DIPK2B: variants seen among roughly 807,000 people sequenced by gnomAD.
The protein encoded by DIPK2B is UPF0672 protein CXorf36.
DIPK2B carries 15 observed loss-of-function variants against 22.2 expected under a neutral mutation model. That is an observed-to-expected ratio of 0.68 (90% CI 0.45 to 1.04). The LOEUF (loss-of-function observed/expected upper bound fraction) is 1.04, where lower values mean the gene tolerates loss of function less well. Ranked by LOEUF, DIPK2B falls within the 50% of genes least tolerant of loss-of-function variation. DIPK2B has a pLI of 0.00. For missense variants in DIPK2B, 345 were observed against 348.3 expected (o/e 0.99, Z 0.08); for synonymous variants, 163 against 153.2 (o/e 1.06, Z -0.47).
intron 2 of DIPK2B, among the ~76,000 whole-genome samples, chrX:45,180,936 T>C (rs1304674916): frequency 3.6e-5 from 4 of 112,107 alleles, no homozygotes; most frequent in South Asian, 3.7e-4. Flanking sequence ...AAATGTCTTA[T>C]TGTATTATAC....
At chrX:45,176,969 T>C (rs2047122364) in intron 2 of DIPK2B, among the ~76,000 whole-genome samples, 1 of 111,783 alleles carries the variant, frequency 8.9e-6, no homozygotes, top group African/African-American at 3.3e-5. Context: ...GAGTATGAAC[T>C]GTGGGACTGA....
At chrX:45,186,188 C>T (rs1397877303) in intron 2 of DIPK2B, among the ~76,000 whole-genome samples, 3 of 111,949 alleles carry the variant, frequency 2.7e-5, no homozygotes, top group African/African-American at 9.8e-5. Flanking sequence ...TTAGTTGTTT[C>T]AACTCTGAAC....
intron 1 of DIPK2B, among the ~76,000 whole-genome samples, chrX:45,198,192 G>C (rs1454365719): frequency 9.0e-6 from 1 of 111,394 alleles, no homozygotes; most frequent in African/African-American, 3.3e-5. Context: ...GGGTGGCAAG[G>C]AAATGCAACA....
intron 1 of DIPK2B, among the ~76,000 whole-genome samples, chrX:45,194,255 A>ATTT (rs34556031): frequency 1.1e-5 from 1 of 91,210 alleles, no homozygotes; most frequent in Admixed American, 1.1e-4. Context: ...GAACCCATTA[A>ATTT]TTTTTTTTTT....
intron 2 of DIPK2B, among the ~76,000 whole-genome samples, chrX:45,158,501 G>A (rs144712178): frequency 0.013 from 1,422 of 110,899 alleles, 29 homozygotes; most frequent in African/African-American, 0.042. Context: ...ACACTTGAGC[G>A]TTTTTATATG....
At chrX:45,185,133 A>G (rs1270434726) in intron 2 of DIPK2B, among the ~76,000 whole-genome samples, 1 of 112,123 alleles carries the variant, frequency 8.9e-6, no homozygotes, top group Non-Finnish European at 1.9e-5. Context: ...CACAATCACT[A>G]TATTAACTGA....
chrX:45,152,014 T>C, intron 4 of DIPK2B, 22 bp from the exon 5 acceptor site: 1 of 1,128,030 alleles, frequency 8.9e-7, no homozygotes, highest in Non-Finnish European at 1.2e-6. Context: ...ATGGGAAGTA[T>C]TACACACCCT....
At chrX:45,164,899 T>C (rs773710702) in intron 2 of DIPK2B, among the ~76,000 whole-genome samples, 1 of 111,680 alleles carries the variant, frequency 9.0e-6, no homozygotes, top group South Asian at 3.8e-4. Context: ...GTCATTCCAA[T>C]GCTCCTTATT....
chrX:45,163,746 G>T, intron 2 of DIPK2B: 1 of 759,136 alleles, frequency 1.3e-6, no homozygotes, highest in African/African-American at 2.3e-5. Flanking sequence ...ACTAGGGCAA[G>T]AACAGGTTTT....
rs551898198 is a variant in DIPK2B, at chrX:45,149,491, G to T, written c.*2161C>A. 8.8e-6 allele frequency: 1 copy of T among 113,284 alleles called. No homozygotes were observed. Among genetic ancestry groups the T allele is most frequent in the African/African-American group, 3.2e-5 (1 of 31,147 alleles). 9.3% of individuals were successfully genotyped at this position (113,284 alleles called of 1,213,427 possible). A position where few individuals can be genotyped will look rare whatever the true frequency, so the allele number is the denominator to read the frequency against. ...TCTTCACTGTCATGGTTGCCCTGGGGCAATGCCCGTAGCAGTCAAGAGACA... is the reference window on the plus strand; with the variant it reads ...TCTTCACTGTCATGGTTGCCCTGGGTCAATGCCCGTAGCAGTCAAGAGACA... On this transcript the variant is annotated 3_prime_UTR_variant, in exon 5 of 5. Coordinates refer to ENST00000398000, the MANE Select transcript of DIPK2B (RefSeq NM_176819.4).
In DIPK2B at chrX:45,157,107, G is replaced by A. The variant is rs934176240; in HGVS notation, c.672+608C>T. Among the ~76,000 whole-genome samples the A allele has an allele frequency of 5.4e-5, 6 of 110,731 alleles. No homozygotes were observed. In the South Asian group the frequency reaches 2.3e-3, roughly 43 times the overall value. Reference sequence around the variant, plus strand: ...CCCTGTGTCCTTACCCTTGAGGTCAGGGGTCAGTCGGAGTGATTGGGCTCC... The same window carrying A: ...CCCTGTGTCCTTACCCTTGAGGTCAAGGGTCAGTCGGAGTGATTGGGCTCC... On this transcript the variant is annotated intron_variant, in intron 3 of 4. Coordinates refer to ENST00000398000, the MANE Select transcript of DIPK2B (RefSeq NM_176819.4).
intron 2 of DIPK2B, among the ~76,000 whole-genome samples, chrX:45,189,959 A>C (rs1252443875): frequency 1.8e-5 from 2 of 112,329 alleles, no homozygotes; most frequent in Non-Finnish European, 3.8e-5. Context: ...TCTTACCAGC[A>C]TGTTGTTAAT....
chrX:45,179,350 T>C (rs1380473339), intron 2 of DIPK2B, among the ~76,000 whole-genome samples: 3 of 111,000 alleles, frequency 2.7e-5, no homozygotes, highest in Non-Finnish European at 3.8e-5. Context: ...ACAGTTAAAA[T>C]TTGGCATACA....
intron 2 of DIPK2B, among the ~76,000 whole-genome samples, chrX:45,185,619 G>T (rs1160111099): frequency 2.8e-5 from 3 of 107,153 alleles, no homozygotes; most frequent in Admixed American, 2.0e-4. Flanking sequence ...GACTGGGGAA[G>T]CCTTTCACTG....
chrX:45,172,573 C>T (rs1329005464), intron 2 of DIPK2B, among the ~76,000 whole-genome samples: 1 of 111,352 alleles, frequency 9.0e-6, no homozygotes, highest in African/African-American at 3.3e-5. Flanking sequence ...CCACTTTGTC[C>T]ACCATCTTCC....
At chrX:45,161,270 G>A (rs768796925) in intron 2 of DIPK2B, among the ~76,000 whole-genome samples, 27 of 112,264 alleles carry the variant, frequency 2.4e-4, no homozygotes, top group Admixed American at 1.1e-3. Flanking sequence ...GGCCAGGCAC[G>A]GTTGCCCATG....
In DIPK2B at chrX:45,151,687, G is replaced by A. The variant is rs776241892; in HGVS notation, c.1267C>T (p.Arg423Cys). The A allele has an allele frequency of 9.1e-6, 11 of 1,210,531 alleles. No individual in the cohort carries two copies. Among genetic ancestry groups the A allele is most frequent in the African/African-American group, 3.5e-5 (2 of 57,388 alleles). ...LRTCDSRFAY[R>C]YPDCKYNDKF is the part of the protein sequence containing the mutation. ...TCGTTATATTTGCAATCTGGGTAAC[G>A]ATAGGCAAATCTGGAGTCACACGTT... The change falls in exon 5 of 5, where the codon CGT (arginine) becomes TGT (cysteine). Residue 423 changes from arginine (R) to cysteine (C), a missense_variant. Coordinates refer to ENST00000398000, the MANE Select transcript of DIPK2B (RefSeq NM_176819.4).
At position 45,177,418 on chromosome X, in the gene DIPK2B, C is replaced by A. The variant is rs973026667; in HGVS notation, c.498+14333G>T. Among the ~76,000 whole-genome samples, 3 of 110,347 alleles carry A rather than the reference C, an allele frequency of 2.7e-5. No individual in the cohort carries two copies. The East Asian group carries it at 8.6e-4, about 32-fold the overall frequency. ...TCCTTCATGAATAGATTAATGCTCTCCCTCAGCAGTGAGTGAATTCTCACT... is the reference window on the plus strand; with the variant it reads ...TCCTTCATGAATAGATTAATGCTCTACCTCAGCAGTGAGTGAATTCTCACT... On this transcript the variant is annotated intron_variant, in intron 2 of 4. Transcript: ENST00000398000.
intron 2 of DIPK2B, among the ~76,000 whole-genome samples, chrX:45,186,093 A>G (rs1250203979): frequency 1.8e-5 from 2 of 112,331 alleles, no homozygotes; most frequent in Admixed American, 1.9e-4. Context: ...TCTCTGACCC[A>G]TTCCAAGTAA....
Sources: gnomAD v4.1 joint callset for allele counts (sites outside exome capture counted in the v4.1 genomes callset) on GRCh38, gnomAD v4.1.1 for gene constraint, MANE v1.5 for transcripts, NCBI Gene and HGNC (gene_info 2026-07-23, HGNC 2026-07-21) for gene names.